CCSER1: variants seen among roughly 807,000 people sequenced by gnomAD.
CCSER1 encodes the protein coiled-coil serine rich protein 1, also known as serine-rich coiled-coil domain-containing protein 1.
A neutral mutation model predicts 82.0 loss-of-function variants in CCSER1; 41 were observed. The ratio of observed to expected loss-of-function variants is 0.50; its 90% CI spans 0.39 to 0.65. The LOEUF (loss-of-function observed/expected upper bound fraction) is 0.65, where lower values mean the gene tolerates loss of function less well. Ranked by LOEUF, CCSER1 falls within the 30% of genes least tolerant of loss-of-function variation. CCSER1 has a pLI of 0.00. For synonymous variants in CCSER1, 414 were observed against 383.9 expected (o/e 1.08, Z -0.92); for missense variants, 1,119 against 1,064.2 (o/e 1.05, Z -0.72).
At chr4:91,219,329 TTTTA>T (rs1405289443) in intron 10 of CCSER1, among the ~76,000 whole-genome samples, 9 of 143,156 alleles carry the variant, frequency 6.3e-5, no homozygotes, top group Middle Eastern at 3.5e-3. Context: ...TTTTTTTTTT[TTTTA>T]AAACAGTCTC....
chr4:90,964,618 G>A (rs889053971), intron 9 of CCSER1, among the ~76,000 whole-genome samples: 1 of 151,282 alleles, frequency 6.6e-6, no homozygotes, highest in Non-Finnish European at 1.5e-5. Flanking sequence ...TCAGCTACTC[G>A]GGAGGCTGAT....
chr4:90,516,695 C>G (rs1270346231), intron 5 of CCSER1, among the ~76,000 whole-genome samples: 1 of 152,200 alleles, frequency 6.6e-6, no homozygotes, highest in Non-Finnish European at 1.5e-5. Context: ...AGTTCAGTCT[C>G]CCGGGACGGA....
At chr4:90,461,592 A>AAT (rs919836397) in intron 4 of CCSER1, among the ~76,000 whole-genome samples, 29 of 151,468 alleles carry the variant, frequency 1.9e-4, no homozygotes, top group East Asian at 7.8e-4. Flanking sequence ...TCCATTTCTC[A>AAT]ATATATATAT....
At chr4:90,975,448 A>AT (rs998430563) in intron 9 of CCSER1, among the ~76,000 whole-genome samples, 3 of 151,272 alleles carry the variant, frequency 2.0e-5, no homozygotes, top group African/African-American at 2.4e-5. Flanking sequence ...ATATACAATA[A>AT]TTTTTTTCTA....
At chr4:91,052,951 A>G (rs748628609) in intron 9 of CCSER1, among the ~76,000 whole-genome samples, 7 of 152,042 alleles carry the variant, frequency 4.6e-5, no homozygotes, top group Non-Finnish European at 7.4e-5. Context: ...AAAGTGTAGT[A>G]AATTGGTGGT....
At chr4:91,450,734 G>A (rs1755825718) in intron 10 of CCSER1, among the ~76,000 whole-genome samples, 1 of 151,942 alleles carries the variant, frequency 6.6e-6, no homozygotes, top group African/African-American at 2.4e-5. Flanking sequence ...GAGCTCAGAG[G>A]TCTGCTGAGG....
chr4:90,795,239 A>G (rs62314062), intron 7 of CCSER1, among the ~76,000 whole-genome samples: 18,529 of 151,082 alleles, frequency 0.12, 1,453 homozygotes, highest in Non-Finnish European at 0.17. Flanking sequence ...GTGAGCCGAG[A>G]TCGTGCCACT....
intron 8 of CCSER1, among the ~76,000 whole-genome samples, chr4:90,826,002 T>C (rs1760384708): frequency 6.6e-6 from 1 of 152,146 alleles, no homozygotes; most frequent in Non-Finnish European, 1.5e-5. Context: ...ACAATTGTTT[T>C]TTATAAGGTA....
At chr4:90,670,005 A>G (rs1304314983) in intron 6 of CCSER1, among the ~76,000 whole-genome samples, 1 of 152,126 alleles carries the variant, frequency 6.6e-6, no homozygotes, top group African/African-American at 2.4e-5. Flanking sequence ...TAATAGGGCT[A>G]TGAGAAAAAT....
chr4:90,214,823 C>T (rs1740723433), intron 1 of CCSER1, among the ~76,000 whole-genome samples: 1 of 152,148 alleles, frequency 6.6e-6, no homozygotes. Flanking sequence ...TGTTGTGAAT[C>T]ACATTACCTT....
intron 7 of CCSER1, among the ~76,000 whole-genome samples, chr4:90,755,004 A>G (rs907993967): frequency 2.0e-5 from 3 of 152,066 alleles, no homozygotes; most frequent in African/African-American, 7.2e-5. Flanking sequence ...TCCTGCCATC[A>G]CATCAGTGTT....
At position 91,401,542 on chromosome 4, in the gene CCSER1, T is replaced by TC. The variant is rs34772352; in HGVS notation, c.2218-197024dup. Among the ~76,000 whole-genome samples, 706 of 151,948 alleles carry TC rather than the reference T, an allele frequency of 4.6e-3. 9 individuals carry two copies. The highest frequency in any genetic ancestry group is 0.016 in the African/African-American group (660 of 41,434). Reference sequence around the variant, plus strand: ...TAGGTATATCTCCTAATTCTATTCGTCCCCCCTCCCCCAACCCCATGACAG... The same window carrying TC: ...TAGGTATATCTCCTAATTCTATTCGTCCCCCCCTCCCCCAACCCCATGACAG... On this transcript the variant is annotated intron_variant, in intron 10 of 10. Coordinates refer to ENST00000509176, the MANE Select transcript of CCSER1 (RefSeq NM_001145065.2).
intron 5 of CCSER1, among the ~76,000 whole-genome samples, chr4:90,607,859 C>G (rs538339326): frequency 5.9e-5 from 9 of 152,200 alleles, no homozygotes; most frequent in African/African-American, 4.8e-5. Flanking sequence ...CCCTTCCTCT[C>G]AACTAAATTT....
intron 10 of CCSER1, among the ~76,000 whole-genome samples, chr4:91,180,476 C>T (rs1457996530): frequency 1.3e-5 from 2 of 152,190 alleles, no homozygotes; most frequent in Admixed American, 6.5e-5. Context: ...AGCTTCCTTG[C>T]CACTTTGTCT....
At chr4:90,931,468 A>G (rs1280312361) in intron 9 of CCSER1, among the ~76,000 whole-genome samples, 7 of 152,272 alleles carry the variant, frequency 4.6e-5, no homozygotes, top group Admixed American at 1.3e-4. Context: ...GTGGTATTCA[A>G]ATTAACTCTC....
chr4:90,612,425 C>A (rs1377154022), intron 5 of CCSER1, among the ~76,000 whole-genome samples: 8 of 152,028 alleles, frequency 5.3e-5, no homozygotes, highest in Non-Finnish European at 1.0e-4. Flanking sequence ...TGAACAAAGA[C>A]AGAAAATGAG....
chr4:91,163,116 A>C (rs1005438243), intron 10 of CCSER1, among the ~76,000 whole-genome samples: 2 of 152,138 alleles, frequency 1.3e-5, no homozygotes, highest in African/African-American at 4.8e-5. Flanking sequence ...TGTCCCAGAG[A>C]TTCTGGTATG....
At chr4:90,276,102 T>C (rs565352792) in intron 1 of CCSER1, among the ~76,000 whole-genome samples, 1 of 152,220 alleles carries the variant, frequency 6.6e-6, no homozygotes, top group East Asian at 1.9e-4. Context: ...TATCTTGATA[T>C]TTGATGAGTC....
chr4:90,465,051 A>G (rs1242345878), intron 4 of CCSER1, among the ~76,000 whole-genome samples: 1 of 150,382 alleles, frequency 6.6e-6, no homozygotes, highest in Non-Finnish European at 1.5e-5. Context: ...GCAACCTCCA[A>G]CTCCCTGGAT....
Sources: gnomAD v4.1 joint callset for allele counts (sites outside exome capture counted in the v4.1 genomes callset) on GRCh38, gnomAD v4.1.1 for gene constraint, MANE v1.5 for transcripts, NCBI Gene and HGNC (gene_info 2026-07-23, HGNC 2026-07-21) for gene names.